Variants in ERG observed in about 807,000 individuals in gnomAD.
ERG encodes transcriptional regulator ERG.
In ERG, 9 loss-of-function variants were observed where a neutral mutation model predicts 55.3. The observed-to-expected ratio is 0.16, with a 90% CI of 0.10 to 0.28. ERG has a LOEUF of 0.28. Among genes scored for constraint, ERG ranks in the 10% least tolerant of loss-of-function variants. The pLI is 1.00. For synonymous variants in ERG, 223 were observed against 237.3 expected (o/e 0.94, Z 0.55); for missense variants, 434 against 631.6 (o/e 0.69, Z 3.35).
intron 1 of ERG, among the ~76,000 whole-genome samples, chr21:38,458,132 AAAG>A (rs2059007009): frequency 2.0e-5 from 3 of 152,172 alleles, no homozygotes; most frequent in Admixed American, 2.0e-4. Context: ...GGGCCCTGTA[AAAG>A]AGCACACTGG....
upstream of ERG, among the ~76,000 whole-genome samples, chr21:38,588,956 C>G (rs1406095866): frequency 6.6e-6 from 1 of 152,092 alleles, no homozygotes; most frequent in Admixed American, 6.5e-5. Flanking sequence ...ATCTCGAACT[C>G]CTGGCCTCAA....
chr21:38,566,172 C>T (rs774350606), intron 2 of ERG, among the ~76,000 whole-genome samples: 14 of 151,972 alleles, frequency 9.2e-5, no homozygotes, highest in Non-Finnish European at 2.1e-4. Flanking sequence ...TGGGATTTTG[C>T]GATCAGAAGG....
chr21:38,536,495 T>C (rs1015276280), intron 2 of ERG, among the ~76,000 whole-genome samples: 5 of 152,178 alleles, frequency 3.3e-5, no homozygotes, highest in African/African-American at 1.2e-4. Flanking sequence ...CAGCGTCTCC[T>C]CTGCATCCCC....
chr21:38,575,169 C>T (rs2059987242), intron 2 of ERG, among the ~76,000 whole-genome samples: 1 of 152,152 alleles, frequency 6.6e-6, no homozygotes, highest in African/African-American at 2.4e-5. Flanking sequence ...AACAACGTTC[C>T]AACATCGGAA....
intron 1 of ERG, among the ~76,000 whole-genome samples, chr21:38,469,263 A>C (rs941548958): frequency 6.6e-6 from 1 of 152,144 alleles, no homozygotes; most frequent in African/African-American, 2.4e-5. Flanking sequence ...TCATTAACGC[A>C]CTTAGCAAAC....
intron 1 of ERG, among the ~76,000 whole-genome samples, chr21:38,642,199 A>T (rs928044617): frequency 1.3e-5 from 2 of 152,246 alleles, no homozygotes; most frequent in African/African-American, 2.4e-5. Flanking sequence ...CATATATATA[A>T]AAGTGTATAT....
At chr21:38,417,598 T>C (rs1461377180) in intron 3 of ERG, among the ~76,000 whole-genome samples, 1 of 151,892 alleles carries the variant, frequency 6.6e-6, no homozygotes, top group Non-Finnish European at 1.5e-5. Context: ...AGACCAGCCT[T>C]GCCAACATGG....
chr21:38,381,382 AAACT>A lies in ERG; in HGVS notation c.*2017_*2020del. 2 of 1,063,384 alleles carry A rather than the reference AAACT, an allele frequency of 1.9e-6. No individual in the cohort carries two copies. Among genetic ancestry groups the A allele is most frequent in the South Asian group, 9.1e-5 (2 of 21,954 alleles). The allele number at this position is 1,063,384 out of a possible 1,614,324, so 65.9% of individuals were successfully genotyped here. A position where few individuals can be genotyped will look rare whatever the true frequency, so the allele number is the denominator to read the frequency against. On this transcript the variant is annotated 3_prime_UTR_variant, in exon 10 of 10. Coordinates refer to ENST00000288319, the MANE Select transcript of ERG (RefSeq NM_182918.4). ...TGATTCAAAGAAAAGATGCCCAGGG[AAACT>A]GACTCTAGATTATGGAAATAAACAT...
At chr21:38,483,165 T>A (rs1328169385) in intron 1 of ERG, among the ~76,000 whole-genome samples, 1 of 152,016 alleles carries the variant, frequency 6.6e-6, no homozygotes, top group Non-Finnish European at 1.5e-5. Flanking sequence ...TCAAAGAATA[T>A]AAAGTAGCAA....
intron 1 of ERG, among the ~76,000 whole-genome samples, chr21:38,626,573 A>C (rs2060325849): frequency 6.6e-6 from 1 of 152,218 alleles, no homozygotes; most frequent in Admixed American, 6.5e-5. Context: ...TTTGTCAAGG[A>C]TAAATCAAAT....
chr21:38,381,742 C>T lies in ERG; in HGVS notation c.*1661G>A. On this transcript the variant is annotated 3_prime_UTR_variant, in exon 10 of 10. Transcript: ENST00000288319. ...TAGAATTTCTCAATGACAACCCCAGCTTCATAGGCCTCTTTCCATTCCAGG... is the reference window on the plus strand; with the variant it reads ...TAGAATTTCTCAATGACAACCCCAGTTTCATAGGCCTCTTTCCATTCCAGG... 2.8e-6 allele frequency: 3 copies of T among 1,063,340 alleles called. No homozygotes were observed. Among genetic ancestry groups the T allele is most frequent in the Non-Finnish European group, 3.4e-6 (3 of 878,110 alleles). The allele number at this position is 1,063,340 out of a possible 1,614,324, so 65.9% of individuals were successfully genotyped here. A position where few individuals can be genotyped will look rare whatever the true frequency, so the allele number is the denominator to read the frequency against.
intron 2 of ERG, among the ~76,000 whole-genome samples, chr21:38,546,606 A>C (rs2059789483): frequency 6.6e-6 from 1 of 152,214 alleles, no homozygotes; most frequent in African/African-American, 2.4e-5. Context: ...TCTGGCTGCC[A>C]AGGCATTCCT....
Position 38,403,284 on chromosome 21 carries a change from T to C in ERG, c.592+222A>G, listed in dbSNP as rs147050494. Among the ~76,000 whole-genome samples, 160 of 152,290 alleles carry C rather than the reference T, an allele frequency of 1.1e-3. 1 individual carries two copies. Among genetic ancestry groups the C allele is most frequent in the African/African-American group, 3.2e-3 (133 of 41,566 alleles). ...AGGCAGCTGAGTGTTGAAGTGAATTTTGGCTTCTCCTGAGAGCGCTGACTA... is the reference window on the plus strand; with the variant it reads ...AGGCAGCTGAGTGTTGAAGTGAATTCTGGCTTCTCCTGAGAGCGCTGACTA... On this transcript the variant is annotated intron_variant, in intron 4 of 9. Transcript: ENST00000288319.
At chr21:38,548,754 G>C (rs1380150601) in intron 2 of ERG, among the ~76,000 whole-genome samples, 1 of 146,688 alleles carries the variant, frequency 6.8e-6, no homozygotes, top group African/African-American at 2.5e-5. Flanking sequence ...GTGAGCCACC[G>C]TGCCTGGCCA....
At chr21:38,534,807 G>T (rs944517772) in intron 2 of ERG, among the ~76,000 whole-genome samples, 2 of 152,110 alleles carry the variant, frequency 1.3e-5, no homozygotes, top group African/African-American at 4.8e-5. Context: ...TAGCCAAAAG[G>T]TCAAAGCAAC....
chr21:38,534,965 T>C (rs1177652641), intron 2 of ERG, among the ~76,000 whole-genome samples: 1 of 152,198 alleles, frequency 6.6e-6, no homozygotes, highest in Non-Finnish European at 1.5e-5. Flanking sequence ...AATCGTTTTA[T>C]TTTAAAGTTC....
At chr21:38,573,308 G>T (rs999483160) in intron 2 of ERG, among the ~76,000 whole-genome samples, 2 of 152,218 alleles carry the variant, frequency 1.3e-5, no homozygotes, top group Admixed American at 1.3e-4. Flanking sequence ...CCCGTAAAGG[G>T]TCTGTGCTGA....
rs78795360 is a variant in ERG, at chr21:38,575,211, G to A, written c.-41+451C>T. ...TCATTCACCTACTTGTCTCCTGCTC[G>A]CTAACCCCAGGCAAGTATAAAGGAG... On this transcript the variant is annotated intron_variant, in intron 2 of 8. Coordinates refer to the ERG transcript ENST00000398897. Among the ~76,000 whole-genome samples, 43 of 152,242 alleles carry A rather than the reference G, an allele frequency of 2.8e-4. 1 individual carries two copies. In the East Asian group the frequency reaches 7.7e-3, roughly 27 times the overall value.
intron 1 of ERG, among the ~76,000 whole-genome samples, chr21:38,604,251 CA>C (rs397972884): frequency 0.041 from 3,856 of 94,108 alleles, 87 homozygotes; most frequent in East Asian, 0.15. Flanking sequence ...GAGACTCCGT[CA>C]AAAAAAAAAA....
Sources: allele counts gnomAD v4.1 joint callset (sites outside exome capture counted in the v4.1 genomes callset), GRCh38; gene constraint gnomAD v4.1.1; transcripts MANE v1.5; gene names NCBI Gene and HGNC (gene_info 2026-07-23, HGNC 2026-07-21).